SHANK2: variants seen among roughly 807,000 people sequenced by gnomAD.
SHANK2 encodes the protein SH3 and multiple ankyrin repeat domains 2, also known as SH3 and multiple ankyrin repeat domains protein 2.
In SHANK2, 43 loss-of-function variants were observed where a neutral mutation model predicts 133.7. That is an observed-to-expected ratio of 0.32 (90% confidence interval 0.25 to 0.41). The LOEUF (loss-of-function observed/expected upper bound fraction) is 0.41. SHANK2 is among the 10% of genes least tolerant of loss of function. SHANK2 has a pLI of 1.00. For synonymous variants in SHANK2, 1,017 were observed against 952.8 expected (o/e 1.07, Z -1.24); for missense variants, 1,994 against 2,235.8 (o/e 0.89, Z 2.18).
In SHANK2 at chr11:70,946,363, T is replaced by C. The variant is rs1455039061; in HGVS notation, c.1108-49796A>G. 2.9e-5 allele frequency among the ~76,000 whole-genome samples: 4 copies of C among 136,978 alleles called. No individual in the cohort carries two copies. The Admixed American group carries it at 2.9e-4, about 10-fold the overall frequency. 89.9% of individuals were successfully genotyped at this position (136,978 alleles called of 152,430 possible). ...AGCCTCCCTCTCCACTAACCAACAC[T>C]TCCCAGGATCAGCCTCCCTCTCTAC... On this transcript the variant is annotated intron_variant, in intron 10 of 25. Coordinates refer to ENST00000601538, the MANE Select transcript of SHANK2 (RefSeq NM_012309.5).
At chr11:70,864,178 A>T (rs1389129896) in intron 11 of SHANK2, 3 of 204,640 alleles carry the variant, frequency 1.5e-5, no homozygotes, top group African/African-American at 7.1e-5. Context: ...CATCATTTGG[A>T]AAGGGAAAAC....
intron 11 of SHANK2, among the ~76,000 whole-genome samples, chr11:70,827,636 G>A (rs61885480): frequency 7.4e-6 from 1 of 134,784 alleles, no homozygotes; most frequent in Non-Finnish European, 1.6e-5. Context: ...GTGTGTGTGT[G>A]TGTTTTTTTT....
chr11:70,833,547 C>A (rs1482916085), intron 11 of SHANK2, among the ~76,000 whole-genome samples: 1 of 152,222 alleles, frequency 6.6e-6, no homozygotes, highest in African/African-American at 2.4e-5. Context: ...GGGTTCAAAT[C>A]CCACAAGGTA....
intron 14 of SHANK2, among the ~76,000 whole-genome samples, chr11:70,702,236 C>T (rs924073887): frequency 4.0e-5 from 6 of 151,562 alleles, no homozygotes; most frequent in African/African-American, 7.3e-5. Flanking sequence ...CCACCACCAG[C>T]GCATTCTTCA....
At chr11:70,818,431 G>A (rs1948447041) in intron 12 of SHANK2, among the ~76,000 whole-genome samples, 3 of 152,116 alleles carry the variant, frequency 2.0e-5, no homozygotes, top group Non-Finnish European at 4.4e-5. Context: ...TCTCTTTCCC[G>A]AGCCACATCT....
intron 14 of SHANK2, among the ~76,000 whole-genome samples, chr11:70,702,271 C>A (rs947917044): frequency 6.6e-6 from 1 of 151,160 alleles, no homozygotes; most frequent in Non-Finnish European, 1.5e-5. Context: ...ATCATCACCA[C>A]CATCATCATC....
chr11:71,181,740 G>A (rs1953562025), intron 2 of SHANK2, among the ~76,000 whole-genome samples: 1 of 152,124 alleles, frequency 6.6e-6, no homozygotes, highest in African/African-American at 2.4e-5. Context: ...AAGAGCCGCA[G>A]GTGTGGGGAC....
chr11:70,802,327 A>G (rs556953276), intron 13 of SHANK2, among the ~76,000 whole-genome samples: 1 of 152,242 alleles, frequency 6.6e-6, no homozygotes, highest in South Asian at 2.1e-4. Flanking sequence ...TGGCCACCAC[A>G]GTGGGCCGCT....
intron 12 of SHANK2, among the ~76,000 whole-genome samples, chr11:70,819,749 CTG>C (rs1227722734): frequency 6.6e-5 from 10 of 152,128 alleles, no homozygotes; most frequent in Non-Finnish European, 1.5e-4. Flanking sequence ...GACATGCCCT[CTG>C]TGCTCCTGCC....
At chr11:70,833,372 T>A (rs1555059123) in intron 11 of SHANK2, among the ~76,000 whole-genome samples, 1 of 152,166 alleles carries the variant, frequency 6.6e-6, no homozygotes, top group South Asian at 2.1e-4. Flanking sequence ...GCCTCCTGCA[T>A]CAACAAGCCA....
At chr11:70,659,751 G>T in intron 17 of SHANK2, 77 bp downstream of exon 17, 1 of 1,584,214 alleles carries the variant, frequency 6.3e-7, no homozygotes, top group Non-Finnish European at 8.7e-7. Flanking sequence ...TCGTGGCTGT[G>T]CTGCCAGGAC....
intron 2 of SHANK2, among the ~76,000 whole-genome samples, chr11:71,206,998 A>G (rs375750305): frequency 6.6e-6 from 1 of 151,882 alleles, no homozygotes. Context: ...GGGAGTGAGG[A>G]TTGCTTGAGC....
intron 2 of SHANK2, among the ~76,000 whole-genome samples, chr11:71,167,785 C>T (rs1313789825): frequency 6.4e-5 from 9 of 140,858 alleles, no homozygotes; most frequent in African/African-American, 1.3e-4. Flanking sequence ...GGCGGCTGGC[C>T]GGGCGGGGGG....
intron 17 of SHANK2, among the ~76,000 whole-genome samples, chr11:70,504,634 T>A (rs1246877909): frequency 2.0e-5 from 3 of 152,172 alleles, no homozygotes; most frequent in Non-Finnish European, 4.4e-5. Context: ...AGCAGGACTA[T>A]CCTAATGGGG....
intron 17 of SHANK2, among the ~76,000 whole-genome samples, chr11:70,558,289 C>T (rs2059859446): frequency 2.0e-5 from 3 of 152,228 alleles, no homozygotes; most frequent in South Asian, 4.1e-4. Flanking sequence ...GTGGGGGACA[C>T]CTGTACCTGC....
chr11:70,934,617 A>G (rs574455051), intron 10 of SHANK2, among the ~76,000 whole-genome samples: 3 of 152,354 alleles, frequency 2.0e-5, no homozygotes, highest in South Asian at 2.1e-4. Context: ...ACCAAATTCC[A>G]TCAAATCAAA....
chr11:70,721,982 A>G (rs782586828), intron 14 of SHANK2, among the ~76,000 whole-genome samples: 3 of 152,222 alleles, frequency 2.0e-5, no homozygotes, highest in Non-Finnish European at 4.4e-5. Context: ...TCGAGGTGTG[A>G]GTGCACCTCA....
At chr11:70,766,527 C>T (rs905353244) in intron 14 of SHANK2, among the ~76,000 whole-genome samples, 2 of 152,100 alleles carry the variant, frequency 1.3e-5, no homozygotes, top group Admixed American at 6.5e-5. Flanking sequence ...TTGATGCTTT[C>T]GAATTACAGA....
intron 17 of SHANK2, among the ~76,000 whole-genome samples, chr11:70,628,505 G>A (rs574437099): frequency 3.9e-5 from 6 of 152,236 alleles, no homozygotes; most frequent in East Asian, 1.9e-4. Context: ...TCTTTTCCCC[G>A]GGGCCTCCTT....
Sources: gnomAD v4.1 joint callset for allele counts (sites outside exome capture counted in the v4.1 genomes callset) on GRCh38, gnomAD v4.1.1 for gene constraint, MANE v1.5 for transcripts, NCBI Gene and HGNC (gene_info 2026-07-23, HGNC 2026-07-21) for gene names.